KLHL14: variants seen among roughly 807,000 people sequenced by gnomAD.
The protein encoded by KLHL14 is kelch-like protein 14.
A neutral mutation model predicts 64.3 loss-of-function variants in KLHL14; 22 were observed. The observed-to-expected ratio is 0.34, with a 90% CI of 0.24 to 0.49. The LOEUF is 0.49. Ranked by LOEUF, KLHL14 falls within the 20% of genes least tolerant of loss-of-function variation. The probability of loss-of-function intolerance (pLI) is 0.99; values close to 1 mark genes in which losing one functional copy is unlikely to be tolerated. For missense variants in KLHL14, 661 were observed against 789.0 expected, an observed-to-expected ratio of 0.84 and a Z score of 1.94; for synonymous variants, 322 against 333.4, an observed-to-expected ratio of 0.97 and a Z score of 0.37.
intron 2 of KLHL14, among the ~76,000 whole-genome samples, chr18:32,749,239 G>A (rs1302115865): frequency 6.6e-6 from 1 of 152,112 alleles, no homozygotes; most frequent in Non-Finnish European, 1.5e-5. Flanking sequence ...TGAAAACAAC[G>A]ACAATAACAA....
At chr18:32,674,880 A>G in intron 8 of KLHL14, 83 bp from the exon 9 acceptor site, 2 of 663,298 alleles carry the variant, frequency 3.0e-6, no homozygotes, top group Admixed American at 2.2e-5. Context: ...TTATTAATAT[A>G]TTGAAAAGAA....
At chr18:32,748,217 A>G (rs1001640689) in intron 2 of KLHL14, among the ~76,000 whole-genome samples, 2 of 151,640 alleles carry the variant, frequency 1.3e-5, no homozygotes, top group African/African-American at 2.4e-5. Flanking sequence ...ATTTTTATTT[A>G]TTTTATTTTT....
chr18:32,733,278 G>C (rs1420491451), intron 3 of KLHL14, among the ~76,000 whole-genome samples: 1 of 151,906 alleles, frequency 6.6e-6, no homozygotes, highest in Non-Finnish European at 1.5e-5. Flanking sequence ...AGAGAAAAGA[G>C]TAAAAAGGAA....
At chr18:32,706,529 T>C (rs967031346) in intron 3 of KLHL14, among the ~76,000 whole-genome samples, 16 of 152,206 alleles carry the variant, frequency 1.1e-4, no homozygotes, top group Non-Finnish European at 2.1e-4. Context: ...ATGATATGAA[T>C]ATTTGCCACT....
chr18:32,701,187 A>G (rs572169879), intron 3 of KLHL14, among the ~76,000 whole-genome samples: 1 of 152,320 alleles, frequency 6.6e-6, no homozygotes, highest in Non-Finnish European at 1.5e-5. Flanking sequence ...AACATTCACT[A>G]AACACTCACT....
intron 3 of KLHL14, among the ~76,000 whole-genome samples, chr18:32,704,081 A>C (rs1026214826): frequency 6.6e-6 from 1 of 152,334 alleles, no homozygotes; most frequent in African/African-American, 2.4e-5. Flanking sequence ...GCTCATGTCA[A>C]AAATAGTAAA....
chr18:32,746,389 C>T (rs2050224000), intron 2 of KLHL14, among the ~76,000 whole-genome samples: 2 of 152,198 alleles, frequency 1.3e-5, no homozygotes, highest in Non-Finnish European at 2.9e-5. Flanking sequence ...GTGTGCGCGC[C>T]TGTATGCGTG....
At chr18:32,742,639 C>T (rs1038366265) in intron 2 of KLHL14, among the ~76,000 whole-genome samples, 56 of 152,076 alleles carry the variant, frequency 3.7e-4, no homozygotes, top group African/African-American at 1.3e-3. Flanking sequence ...TTCCCCTTCC[C>T]CCACTCCCAG....
chr18:32,721,394 T>C (rs1185979025), intron 3 of KLHL14, among the ~76,000 whole-genome samples: 1 of 152,110 alleles, frequency 6.6e-6, no homozygotes. Flanking sequence ...AGCTAAGAGA[T>C]AAGACATAAG....
chr18:32,679,730 T>G (rs1425867730), intron 7 of KLHL14, among the ~76,000 whole-genome samples: 1 of 152,170 alleles, frequency 6.6e-6, no homozygotes, highest in African/African-American at 2.4e-5. Flanking sequence ...AAATATCTGG[T>G]AAATATTACC....
At chr18:32,679,146 C>T (rs1980034) in intron 7 of KLHL14, among the ~76,000 whole-genome samples, 40,528 of 151,964 alleles carry the variant, frequency 0.27, 5,484 homozygotes, top group African/African-American at 0.31. Flanking sequence ...CACTAGGCTA[C>T]TGGCATTTCT....
At position 32,770,651 on chromosome 18, in the gene KLHL14, GGGGAT is replaced by G; in HGVS notation, c.-43-22_-43-18del. The G allele has an allele frequency of 6.9e-7, 1 of 1,442,000 alleles. No individual in the cohort carries two copies. Among genetic ancestry groups the G allele is most frequent in the Non-Finnish European group, 9.2e-7 (1 of 1,088,750 alleles). The allele number at this position is 1,442,000 out of a possible 1,614,324, so 89.3% of individuals were successfully genotyped here. A position where few individuals can be genotyped will look rare whatever the true frequency, so the allele number is the denominator to read the frequency against. ...TCCTCCAACCTGGCAGACAGGGGTG[GGGGAT>G]GGGAGGGAGGGGAGCAGGGTGGTGG... On this transcript the variant is annotated intron_variant, in intron 1 of 8. Coordinates refer to ENST00000359358, the MANE Select transcript of KLHL14 (RefSeq NM_020805.3). This position sits in a 1 kb window ranked among gnomAD's most constrained non-coding sequence, Gnocchi z 6.7.
At chr18:32,696,847 G>C (rs1263675449) in intron 3 of KLHL14, among the ~76,000 whole-genome samples, 1 of 152,178 alleles carries the variant, frequency 6.6e-6, no homozygotes, top group Non-Finnish European at 1.5e-5. Context: ...ACAGGTTTGA[G>C]ACTCATAACA....
At position 32,700,185 on chromosome 18, in the gene KLHL14, G is replaced by A. The variant is rs190040469; in HGVS notation, c.1070-4633C>T. ...AATTTTCATGAATATCCAAACAAGA[G>A]ATTGCAAAGGGCTGTGCCAAGAATA... On this transcript the variant is annotated intron_variant, in intron 3 of 8. Coordinates refer to ENST00000359358, the MANE Select transcript of KLHL14 (RefSeq NM_020805.3). Among the ~76,000 whole-genome samples, 15 of 152,228 alleles carry A rather than the reference G, an allele frequency of 9.9e-5. 1 individual carries two copies. The East Asian group carries it at 2.9e-3, about 29-fold the overall frequency.
intron 2 of KLHL14, among the ~76,000 whole-genome samples, chr18:32,748,892 A>G (rs1319900088): frequency 2.0e-5 from 3 of 152,216 alleles, no homozygotes; most frequent in Non-Finnish European, 4.4e-5. Flanking sequence ...TAATATATGT[A>G]AAGCATTTAA....
intron 3 of KLHL14, among the ~76,000 whole-genome samples, chr18:32,735,013 G>T (rs2050157322): frequency 1.3e-5 from 2 of 152,268 alleles, no homozygotes; most frequent in African/African-American, 4.8e-5. Flanking sequence ...TGCAAATTTT[G>T]TCACTTACAC....
chr18:32,740,567 C>T (rs1029646288), intron 3 of KLHL14, among the ~76,000 whole-genome samples: 12 of 152,212 alleles, frequency 7.9e-5, no homozygotes, highest in Admixed American at 2.6e-4. Flanking sequence ...CACTATTGGT[C>T]AAGTATTAAA....
chr18:32,715,519 T>C (rs200110229), intron 3 of KLHL14, among the ~76,000 whole-genome samples: 3 of 151,812 alleles, frequency 2.0e-5, no homozygotes, highest in Non-Finnish European at 2.9e-5. Flanking sequence ...ATTTTTTTTT[T>C]AGTAGCTTCA....
chr18:32,697,809 CT>C (rs2049944344), intron 3 of KLHL14, among the ~76,000 whole-genome samples: 1 of 152,146 alleles, frequency 6.6e-6, no homozygotes. Flanking sequence ...CTATTGAACT[CT>C]TCAAAATAAG....
Sources: gnomAD v4.1 joint callset for allele counts (sites outside exome capture counted in the v4.1 genomes callset) on GRCh38, gnomAD v4.1.1 for gene constraint, Gnocchi (gnomAD v3.1) non-coding constraint, MANE v1.5 for transcripts, NCBI Gene and HGNC (gene_info 2026-07-23, HGNC 2026-07-21) for gene names.